MAFK: variants seen among roughly 807,000 people sequenced by gnomAD.
MAFK encodes transcription factor MafK.
MAFK carries 1 observed loss-of-function variant against 9.2 expected under a neutral mutation model. That is an observed-to-expected ratio of 0.11 (90% CI 0.04 to 0.52). The LOEUF (loss-of-function observed/expected upper bound fraction) is 0.52, where lower values mean the gene tolerates loss of function less well. Ranked by LOEUF, MAFK falls within the 20% of genes least tolerant of loss-of-function variation. The pLI is 0.94. For missense variants in MAFK, 207 were observed against 236.0 expected (o/e 0.88, Z 0.81); for synonymous variants, 110 against 107.4 (o/e 1.02, Z -0.15).
intron 1 of MAFK, among the ~76,000 whole-genome samples, chr7:1,535,112 G>A (rs1366558342): frequency 3.9e-5 from 2 of 51,846 alleles, no homozygotes; most frequent in African/African-American, 9.2e-5. Context: ...TGTAGAGATG[G>A]GGCCTTGTTA....
chr7:1,537,483 G>C (rs367561408), intron 1 of MAFK: 1 of 985,558 alleles, frequency 1.0e-6, no homozygotes, highest in Non-Finnish European at 1.2e-6. Context: ...CCCAGCCGCC[G>C]GCATTTGCAG....
rs1273416334 is a variant in MAFK, at chr7:1,534,311, A to G, written c.-45+3413A>G. 2 of 455,494 alleles carry G rather than the reference A, an allele frequency of 4.4e-6. No individual in the cohort carries two copies. Among genetic ancestry groups the G allele is most frequent in the Admixed American group, 2.4e-5 (1 of 42,546 alleles). The allele number at this position is 455,494 out of a possible 1,614,324, so 28.2% of individuals were successfully genotyped here. A position where few individuals can be genotyped will look rare whatever the true frequency, so the allele number is the denominator to read the frequency against. ...CAATTAGTCGGTTGACACCTGTTTG[A>G]CAGGCACCCACTGGGTACCAGTGCC... On this transcript the variant is annotated intron_variant, in intron 1 of 2. Transcript: ENST00000343242. This position sits in a 1 kb window ranked among gnomAD's most constrained non-coding sequence, Gnocchi z 4.3.
chr7:1,531,623 C>T (rs553195386), intron 1 of MAFK, among the ~76,000 whole-genome samples: 25 of 152,324 alleles, frequency 1.6e-4, no homozygotes, highest in African/African-American at 5.8e-4. Flanking sequence ...CTTCCCGCTC[C>T]CACTGCGTGA....
chr7:1,539,586 C>A (rs1007907719), intron 2 of MAFK, among the ~76,000 whole-genome samples: 1 of 152,234 alleles, frequency 6.6e-6, no homozygotes, highest in Non-Finnish European at 1.5e-5. Context: ...AAGGCCCGAG[C>A]CCACCTGTGC....
intron 2 of MAFK, 64 bp from the exon 3 acceptor site, chr7:1,539,877 A>G: frequency 7.3e-7 from 1 of 1,377,184 alleles, no homozygotes; most frequent in Non-Finnish European, 9.7e-7. Flanking sequence ...TGGCCACCCC[A>G]GTGTCGGTCC....
intron 1 of MAFK, chr7:1,537,281 C>A: frequency 1.4e-6 from 1 of 720,696 alleles, no homozygotes; most frequent in Non-Finnish European, 1.7e-6. Context: ...GGCAGTGGGC[C>A]CGGGGGCCCA....
rs1166139431 is a variant in MAFK, at chr7:1,542,329, C to CG, written c.*1959dup. 6.6e-6 allele frequency: 1 copy of CG among 152,618 alleles called. No homozygotes were observed. 9.5% of individuals were successfully genotyped at this position (152,618 alleles called of 1,614,324 possible). ...TACTGTAAATCTATCAGAGCAGAGCCGGGGGCACGGGCACAGGTGGGAGTT... is the reference window on the plus strand; with the variant it reads ...TACTGTAAATCTATCAGAGCAGAGCCGGGGGGCACGGGCACAGGTGGGAGTT... On this transcript the variant is annotated 3_prime_UTR_variant, in exon 3 of 3. Transcript: ENST00000343242.
At position 1,540,686 on chromosome 7, in the gene MAFK, G is replaced by T. The variant is rs983525123; in HGVS notation, c.*311G>T. On this transcript the variant is annotated 3_prime_UTR_variant, in exon 3 of 3. Coordinates refer to ENST00000343242, the MANE Select transcript of MAFK (RefSeq NM_002360.4). ...GGGACATATAATGGAAAGGCCCTCG[G>T]GAAGTTCCGCGTCCTCTGTGGGGGC... 2 of 364,488 alleles carry T rather than the reference G, an allele frequency of 5.5e-6. No individual in the cohort carries two copies. Among genetic ancestry groups the T allele is most frequent in the East Asian group, 5.5e-5 (1 of 18,080 alleles). The allele number at this position is 364,488 out of a possible 1,614,324, so 22.6% of individuals were successfully genotyped here. A position where few individuals can be genotyped will look rare whatever the true frequency, so the allele number is the denominator to read the frequency against.
chr7:1,536,300 A>G (rs1784027396), intron 1 of MAFK, among the ~76,000 whole-genome samples: 1 of 151,864 alleles, frequency 6.6e-6, no homozygotes, highest in African/African-American at 2.4e-5. Flanking sequence ...GTGCGTGGCG[A>G]TGCTGGTGTT....
chr7:1,534,548 G>A lies in MAFK; in HGVS notation c.-45+3650G>A, dbSNP rs749860815. The A allele has an allele frequency of 2.6e-5, 12 of 455,834 alleles. No homozygotes were observed. Among genetic ancestry groups the A allele is most frequent in the African/African-American group, 1.0e-4 (5 of 49,992 alleles). 28.2% of individuals were successfully genotyped at this position (455,834 alleles called of 1,614,324 possible). A position where few individuals can be genotyped will look rare whatever the true frequency, so the allele number is the denominator to read the frequency against. On this transcript the variant is annotated intron_variant, in intron 1 of 2. Coordinates refer to ENST00000343242, the MANE Select transcript of MAFK (RefSeq NM_002360.4). This position sits in a 1 kb window ranked among gnomAD's most constrained non-coding sequence, Gnocchi z 4.3. ...CCCGTGTCTCTCGCACAGAGCTCCCGTCCTCCGTTCCTGGTCTTCCTCCTG... is the reference window on the plus strand; with the variant it reads ...CCCGTGTCTCTCGCACAGAGCTCCCATCCTCCGTTCCTGGTCTTCCTCCTG...
At position 1,541,889 on chromosome 7, in the gene MAFK, C is replaced by G. The variant is rs890389679; in HGVS notation, c.*1514C>G. On this transcript the variant is annotated 3_prime_UTR_variant, in exon 3 of 3. Coordinates refer to ENST00000343242, the MANE Select transcript of MAFK (RefSeq NM_002360.4). ...GGGGAGCTGGCGGAATGTGAGCCGC[C>G]GGCCGGGGGCCGCCACATAAGACCT... 6.6e-6 allele frequency: 1 copy of G among 152,408 alleles called. No individual in the cohort carries two copies. Among genetic ancestry groups the G allele is most frequent in the Non-Finnish European group, 1.5e-5 (1 of 68,178 alleles). The allele number at this position is 152,408 out of a possible 1,614,324, so 9.4% of individuals were successfully genotyped here.
At chr7:1,535,955 T>C (rs1018065004) in intron 1 of MAFK, among the ~76,000 whole-genome samples, 1 of 152,234 alleles carries the variant, frequency 6.6e-6, no homozygotes, top group African/African-American at 2.4e-5. Flanking sequence ...CTGCTGGCAG[T>C]TCCTTTTCCT....
rs564134852 is a variant in MAFK at position 1,537,779 on chromosome 7, A to G, written c.-44-1370A>G. ...GGAGGCAGGGCTGGAGGGTGGAGGG[A>G]TTTGGGCCCGAGGGCTCCCTGGCCC... On this transcript the variant is annotated intron_variant, in intron 1 of 2. Coordinates refer to ENST00000343242, the MANE Select transcript of MAFK (RefSeq NM_002360.4). 691 of 869,950 alleles carry G rather than the reference A, an allele frequency of 7.9e-4. 5 individuals are homozygous for G. The African/African-American group carries it at 0.012, about 15-fold the overall frequency. 53.9% of individuals were successfully genotyped at this position (869,950 alleles called of 1,614,324 possible).
intron 1 of MAFK, among the ~76,000 whole-genome samples, chr7:1,533,816 G>A (rs574418316): frequency 5.4e-4 from 82 of 152,252 alleles, no homozygotes; most frequent in African/African-American, 1.9e-3. Flanking sequence ...TGGGCCCCCC[G>A]GAATGCCCCT....
At chr7:1,539,702 C>T (rs1406592147) in intron 2 of MAFK, among the ~76,000 whole-genome samples, 2 of 152,226 alleles carry the variant, frequency 1.3e-5, no homozygotes, top group Non-Finnish European at 2.9e-5. Context: ...CTGTCGGTAA[C>T]CAGGAGTGAC....
intron 1 of MAFK, among the ~76,000 whole-genome samples, chr7:1,535,085 C>CTTTTTTTTTTTTTTTTTTT (rs59057812): frequency 5.4e-5 from 6 of 111,942 alleles, no homozygotes; most frequent in Admixed American, 1.0e-4. Context: ...ATTTAAAATT[C>CTTTTTTTTTTTTTTTTTTT]TTTTTTTTTT....
chr7:1,536,338 T>A (rs1167710560), intron 1 of MAFK, among the ~76,000 whole-genome samples: 1 of 152,072 alleles, frequency 6.6e-6, no homozygotes, highest in African/African-American at 2.4e-5. Context: ...TAAGACACAA[T>A]GCGAGGACGT....
intron 1 of MAFK, chr7:1,537,260 C>T (rs1319787351): frequency 2.3e-5 from 11 of 476,904 alleles, no homozygotes; most frequent in Admixed American, 6.4e-5. Flanking sequence ...CCCGGCTGTG[C>T]TGCCACGGCG....
chr7:1,537,592 C>G, intron 1 of MAFK: 3 of 985,552 alleles, frequency 3.0e-6, no homozygotes, highest in Non-Finnish European at 3.6e-6. Flanking sequence ...CTGGCCGTCC[C>G]CGGGACCGGC....
Sources: gnomAD v4.1 joint callset for allele counts (sites outside exome capture counted in the v4.1 genomes callset) on GRCh38, gnomAD v4.1.1 for gene constraint, Gnocchi (gnomAD v3.1) non-coding constraint, MANE v1.5 for transcripts, NCBI Gene and HGNC (gene_info 2026-07-23, HGNC 2026-07-21) for gene names.